The following MVB12B variants were observed in gnomAD, a reference collection of about 807,000 sequenced individuals.
MVB12B encodes multivesicular body subunit 12B.
MVB12B carries 16 observed loss-of-function variants against 41.6 expected under a neutral mutation model. That is an observed-to-expected ratio of 0.38 (90% CI 0.26 to 0.58). MVB12B has a LOEUF of 0.58. MVB12B is among the 20% of genes least tolerant of loss of function. The pLI is 0.62. For missense variants in MVB12B, 274 were observed against 380.2 expected (o/e 0.72, Z 2.32); for synonymous variants, 133 against 139.7 (o/e 0.95, Z 0.34).
intron 2 of MVB12B, among the ~76,000 whole-genome samples, chr9:126,341,961 A>G (rs1268296332): frequency 6.6e-6 from 1 of 152,242 alleles, no homozygotes; most frequent in Non-Finnish European, 1.5e-5. Context: ...TTGAAAGCTC[A>G]TAAACATTTT....
chr9:126,468,635 C>T lies in MVB12B; in HGVS notation c.758-12734C>T, dbSNP rs907823650. 3.3e-5 allele frequency among the ~76,000 whole-genome samples: 5 copies of T among 152,238 alleles called. No individual in the cohort carries two copies. The highest frequency in any genetic ancestry group is 6.5e-5 in the Admixed American group (1 of 15,286). The stretch of plus-strand genomic sequence containing the variant: ...CCACTGCCCTCATCCGGGCCACCAG[C>T]GTCCCTCGCCTGGTTCAGTGTCAGA... On this transcript the variant is annotated intron_variant, in intron 7 of 9. Coordinates refer to ENST00000361171, the MANE Select transcript of MVB12B (RefSeq NM_033446.3). The surrounding 1 kb of genome is among the most constrained non-coding windows in gnomAD (Gnocchi z 4.3).
chr9:126,409,105 A>ACTT (rs1237366689), intron 6 of MVB12B, among the ~76,000 whole-genome samples: 2 of 149,156 alleles, frequency 1.3e-5, no homozygotes, highest in African/African-American at 5.0e-5. Flanking sequence ...CGGCATCGTG[A>ACTT]CTTCCATTGT....
chr9:126,365,715 C>T (rs954058845), intron 2 of MVB12B, among the ~76,000 whole-genome samples: 1 of 152,180 alleles, frequency 6.6e-6, no homozygotes, highest in East Asian at 1.9e-4. Flanking sequence ...CTGGCATGCT[C>T]ATTTTATAAA....
chr9:126,489,972 C>T (rs1014223893), intron 9 of MVB12B, among the ~76,000 whole-genome samples: 12 of 152,090 alleles, frequency 7.9e-5, no homozygotes, highest in African/African-American at 2.4e-4. Flanking sequence ...GTGGGTGACC[C>T]GGTGGGGCTG....
At chr9:126,454,056 A>G (rs12336259) in intron 7 of MVB12B, among the ~76,000 whole-genome samples, 32,922 of 152,224 alleles carry the variant, frequency 0.22, 4,203 homozygotes, top group Non-Finnish European at 0.29. Flanking sequence ...AGTCAGTGCC[A>G]CCACCACCTG....
intron 2 of MVB12B, among the ~76,000 whole-genome samples, chr9:126,372,328 T>C (rs967262048): frequency 3.3e-5 from 5 of 152,258 alleles, no homozygotes; most frequent in African/African-American, 1.2e-4. Context: ...CATGCTGTCA[T>C]GAACATTCAC....
chr9:126,440,441 C>T (rs1832603177), intron 7 of MVB12B, among the ~76,000 whole-genome samples: 1 of 152,204 alleles, frequency 6.6e-6, no homozygotes, highest in East Asian at 1.9e-4. Flanking sequence ...AACAGCTTCC[C>T]TCTGCCACGA....
chr9:126,451,590 A>G (rs1301389631), intron 7 of MVB12B, among the ~76,000 whole-genome samples: 1 of 152,046 alleles, frequency 6.6e-6, no homozygotes, highest in Non-Finnish European at 1.5e-5. Context: ...CTCCCAAAGC[A>G]GTAGGAGTTC....
At chr9:126,339,285 T>C (rs1829372291) in intron 1 of MVB12B, among the ~76,000 whole-genome samples, 1 of 152,224 alleles carries the variant, frequency 6.6e-6, no homozygotes, top group Non-Finnish European at 1.5e-5. Context: ...ATATTCCTCC[T>C]GCCTGCTTAG....
At chr9:126,388,331 G>A (rs1443118847) in intron 4 of MVB12B, among the ~76,000 whole-genome samples, 2 of 152,160 alleles carry the variant, frequency 1.3e-5, no homozygotes, top group African/African-American at 2.4e-5. Context: ...TTAGCATACT[G>A]TTTTCAAGGT....
At chr9:126,408,597 C>G (rs936440017) in intron 6 of MVB12B, among the ~76,000 whole-genome samples, 1 of 151,932 alleles carries the variant, frequency 6.6e-6, no homozygotes, top group Admixed American at 6.5e-5. Flanking sequence ...GATGGCTAAC[C>G]TGAAACTATC....
At chr9:126,499,854 C>T (rs975773917) in intron 9 of MVB12B, among the ~76,000 whole-genome samples, 6 of 152,190 alleles carry the variant, frequency 3.9e-5, no homozygotes, top group Non-Finnish European at 5.9e-5. Flanking sequence ...GCGCCTTCTC[C>T]GCCCTCCCCC....
At chr9:126,409,602 G>T (rs1235666406) in intron 6 of MVB12B, among the ~76,000 whole-genome samples, 1 of 152,194 alleles carries the variant, frequency 6.6e-6, no homozygotes, top group African/African-American at 2.4e-5. Flanking sequence ...CATCCCCTTA[G>T]ACCTTTCCTT....
chr9:126,471,241 G>A (rs1285372232), intron 7 of MVB12B, among the ~76,000 whole-genome samples: 1 of 152,170 alleles, frequency 6.6e-6, no homozygotes, highest in East Asian at 1.9e-4. Flanking sequence ...CCTCAGCGGT[G>A]CTGCGGAGTG....
intron 7 of MVB12B, among the ~76,000 whole-genome samples, chr9:126,474,977 G>A (rs552521427): frequency 6.6e-6 from 1 of 152,190 alleles, no homozygotes; most frequent in African/African-American, 2.4e-5. Flanking sequence ...CAGGACTGCG[G>A]CACTGTAACC....
intron 6 of MVB12B, among the ~76,000 whole-genome samples, chr9:126,412,978 T>G (rs1831695288): frequency 6.6e-6 from 1 of 152,204 alleles, no homozygotes; most frequent in Non-Finnish European, 1.5e-5. Context: ...TTCCACATTT[T>G]ATTAGCCTCC....
At chr9:126,397,595 T>C (rs1033137470) in intron 6 of MVB12B, 10 of 985,396 alleles carry the variant, frequency 1.0e-5, no homozygotes, top group Non-Finnish European at 1.2e-5. Context: ...GATAATTGAA[T>C]GTTCATTAGT....
At chr9:126,369,231 T>C (rs1433199711) in intron 2 of MVB12B, among the ~76,000 whole-genome samples, 4 of 152,250 alleles carry the variant, frequency 2.6e-5, no homozygotes, top group Non-Finnish European at 5.9e-5. Flanking sequence ...CTGGGTGTCC[T>C]GTATTGTCTG....
In MVB12B at chr9:126,395,710, C is replaced by T. The variant is rs1169502187; in HGVS notation, c.662+13C>T. 9 of 1,613,636 alleles carry T rather than the reference C, an allele frequency of 5.6e-6. No homozygotes were observed. Among genetic ancestry groups the T allele is most frequent in the East Asian group, 2.2e-5 (1 of 44,896 alleles). On this transcript the variant is annotated intron_variant, in intron 6 of 9. Transcript: ENST00000361171. This position sits in a 1 kb window ranked among gnomAD's most constrained non-coding sequence, Gnocchi z 4.9. ...CCAACCTTCCCAGGTGAGGCCTTGTCGGGGTGTCTTGCGTTGTCCTGTGGT... is the reference window on the plus strand; with the variant it reads ...CCAACCTTCCCAGGTGAGGCCTTGTTGGGGTGTCTTGCGTTGTCCTGTGGT...
Sources: gnomAD v4.1 joint callset for allele counts (sites outside exome capture counted in the v4.1 genomes callset) on GRCh38, gnomAD v4.1.1 for gene constraint, Gnocchi (gnomAD v3.1) non-coding constraint, MANE v1.5 for transcripts, NCBI Gene and HGNC (gene_info 2026-07-23, HGNC 2026-07-21) for gene names.